ATR: variants seen among roughly 807,000 people sequenced by gnomAD.
ATR encodes ATR checkpoint kinase.
A neutral mutation model predicts 305.3 loss-of-function variants in ATR; 142 were observed. The ratio of observed to expected loss-of-function variants is 0.47; its 90% CI spans 0.41 to 0.53. The LOEUF (loss-of-function observed/expected upper bound fraction) is 0.53, where lower values mean the gene tolerates loss of function less well. Among genes scored for constraint, ATR ranks in the 20% least tolerant of loss-of-function variants. The pLI, the probability that ATR is intolerant of heterozygous loss-of-function variation, is 0.00. For missense variants in ATR, 2,135 were observed against 3,133.1 expected, an observed-to-expected ratio of 0.68 and a Z score of 7.60; for synonymous variants, 1,050 against 1,068.1, an observed-to-expected ratio of 0.98 and a Z score of 0.33.
At chr3:142,518,967 G>A (rs556361957) in intron 24 of ATR, among the ~76,000 whole-genome samples, 2 of 152,120 alleles carry the variant, frequency 1.3e-5, no homozygotes, top group African/African-American at 2.4e-5. Flanking sequence ...AGGAGAAATT[G>A]GGAGTAATGA....
At chr3:142,526,534 CATAT>C (rs888009876) in intron 21 of ATR, among the ~76,000 whole-genome samples, 6 of 151,510 alleles carry the variant, frequency 4.0e-5, no homozygotes, top group African/African-American at 9.7e-5. Context: ...ATACATAGTA[CATAT>C]ATAAACATGC....
At chr3:142,505,037 CTG>C in intron 29 of ATR, 100 bp downstream of exon 29, 1 of 1,408,494 alleles carries the variant, frequency 7.1e-7, no homozygotes. Context: ...GAGCGAGACT[CTG>C]TCTCAAAAAC....
intron 1 of ATR, among the ~76,000 whole-genome samples, chr3:142,574,186 C>T (rs748786371): frequency 3.9e-5 from 6 of 152,018 alleles, no homozygotes; most frequent in South Asian, 2.1e-4. Context: ...GAAACTTGGC[C>T]GGGCGTGGTG....
intron 25 of ATR, among the ~76,000 whole-genome samples, chr3:142,514,005 C>A (rs954660383): frequency 6.6e-6 from 1 of 151,938 alleles, no homozygotes; most frequent in East Asian, 1.9e-4. Context: ...CATGGTGGCT[C>A]ACGCCTGTAA....
intron 29 of ATR, among the ~76,000 whole-genome samples, chr3:142,504,125 G>T (rs964528121): frequency 1.1e-4 from 17 of 152,166 alleles, no homozygotes; most frequent in African/African-American, 4.1e-4. Flanking sequence ...AAATTAGAAA[G>T]AATCTAAAGG....
rs1033814339 is a variant in ATR at position 142,496,897 on chromosome 3, A to C, written c.5738+116T>G. 15 of 1,253,330 alleles carry C rather than the reference A, an allele frequency of 1.2e-5. No individual in the cohort carries two copies. The East Asian group carries it at 3.5e-4, about 29-fold the overall frequency. 77.6% of individuals were successfully genotyped at this position (1,253,330 alleles called of 1,614,324 possible). A position where few individuals can be genotyped will look rare whatever the true frequency, so the allele number is the denominator to read the frequency against. On this transcript the variant is annotated intron_variant, in intron 33 of 46. Coordinates refer to ENST00000350721, the MANE Select transcript of ATR (RefSeq NM_001184.4). ...ACCAGATAGTGTAGCCCTGATCATT[A>C]AAAATAGAAAAATGTAGATTCAGAC...
chr3:142,479,329 T>C (rs1014206394), intron 36 of ATR, among the ~76,000 whole-genome samples: 6 of 152,214 alleles, frequency 3.9e-5, no homozygotes, highest in Non-Finnish European at 8.8e-5. Context: ...AAGGATTTTA[T>C]TTCTCCTTCA....
intron 36 of ATR, among the ~76,000 whole-genome samples, chr3:142,472,584 G>C (rs2071313452): frequency 6.6e-6 from 1 of 151,818 alleles, no homozygotes. Context: ...AAATATGTCT[G>C]CTCAGACCCT....
In ATR at chr3:142,493,192, C is replaced by T; in HGVS notation, c.6018G>A (p.Val2006=). 6.2e-7 allele frequency: 1 copy of T among 1,613,122 alleles called. No homozygotes were observed. The highest frequency in any genetic ancestry group is 8.5e-7 in the Non-Finnish European group (1 of 1,179,598). The change falls in exon 35 of 47, where the codon GTG becomes GTA. Residue 2006 remains valine (V), a synonymous_variant. Coordinates refer to ENST00000350721, the MANE Select transcript of ATR (RefSeq NM_001184.4). ...TAGCTGTTTCTTCCATAAATCGGCC[C>T]ACTAGTAGCATAGCTCGACCATGGA... ...MLIHGRAMLL[V]GRFMEETANF... is the part of the protein sequence containing the mutation.
At chr3:142,450,774 T>C (rs2070769797) in intron 46 of ATR, 8 of 1,471,206 alleles carry the variant, frequency 5.4e-6, no homozygotes, top group Non-Finnish European at 6.3e-6. Context: ...TCATTCGTTA[T>C]CACACTGCGT....
chr3:142,512,178 A>C, intron 27 of ATR, 82 bp downstream of exon 27: 1 of 1,263,702 alleles, frequency 7.9e-7, no homozygotes, highest in Non-Finnish European at 1.1e-6. Context: ...CTAGTGCTTA[A>C]ATTATAGAAC....
chr3:142,567,798 C>T lies in ATR; in HGVS notation c.151+265G>A, dbSNP rs888744440. Among the ~76,000 whole-genome samples the T allele has an allele frequency of 3.3e-5, 5 of 152,190 alleles. No individual in the cohort carries two copies. In the South Asian group the frequency reaches 8.3e-4, roughly 25 times the overall value. On this transcript the variant is annotated intron_variant, in intron 2 of 46. Transcript: ENST00000350721. ...GATTGGTACTGGACAAATATTTTTA[C>T]ATATAATATCCAATATTAAAGAACT... is the stretch of plus-strand genomic sequence containing the variant.
intron 35 of ATR, among the ~76,000 whole-genome samples, chr3:142,487,300 C>T (rs1436304596): frequency 6.6e-6 from 1 of 152,076 alleles, no homozygotes; most frequent in Non-Finnish European, 1.5e-5. Context: ...CCACACCCAG[C>T]TAATTTTTGT....
intron 36 of ATR, among the ~76,000 whole-genome samples, chr3:142,479,143 G>A (rs1025831399): frequency 6.6e-6 from 1 of 151,990 alleles, no homozygotes; most frequent in Non-Finnish European, 1.5e-5. Flanking sequence ...ATGTTAGCTG[G>A]TTATTTTGCT....
rs1345749598 is a variant in ATR at position 142,573,692 on chromosome 3, T to A, written c.59+4954A>T. ...AAAAAAACAATTGATCCTAACAATA[T>A]ATCTGAAATATTAGGTGAATGTGTA... is the stretch of plus-strand genomic sequence containing the variant. On this transcript the variant is annotated intron_variant, in intron 1 of 46. Transcript: ENST00000350721. Among the ~76,000 whole-genome samples the A allele has an allele frequency of 4.6e-5, 7 of 152,200 alleles. No individual in the cohort carries two copies. The East Asian group carries it at 1.3e-3, about 29-fold the overall frequency.
At chr3:142,501,283 C>T (rs2031949637) in intron 30 of ATR, among the ~76,000 whole-genome samples, 1 of 87,910 alleles carries the variant, frequency 1.1e-5, no homozygotes, top group Non-Finnish European at 2.3e-5. Context: ...CCAATTTGAG[C>T]CATGACTCTC....
At chr3:142,524,916 C>T (rs1202736228) in intron 21 of ATR, among the ~76,000 whole-genome samples, 1 of 152,166 alleles carries the variant, frequency 6.6e-6, no homozygotes, top group African/African-American at 2.4e-5. Flanking sequence ...TTTAAAGCTA[C>T]TTCATTTATA....
chr3:142,563,632 T>C (rs1399363003), intron 3 of ATR, among the ~76,000 whole-genome samples: 2 of 152,152 alleles, frequency 1.3e-5, no homozygotes, highest in Non-Finnish European at 2.9e-5. Context: ...AGACACAGTA[T>C]TGAAATTAGG....
At chr3:142,469,300 AG>A in intron 38 of ATR, 36 bp downstream of exon 38, 1 of 1,536,258 alleles carries the variant, frequency 6.5e-7, no homozygotes. Context: ...AAATGGTAAA[AG>A]ATCTTTTCAT....
Sources: gnomAD v4.1 joint callset for allele counts (sites outside exome capture counted in the v4.1 genomes callset) on GRCh38, gnomAD v4.1.1 for gene constraint, MANE v1.5 for transcripts, NCBI Gene and HGNC (gene_info 2026-07-23, HGNC 2026-07-21) for gene names.